The following ELOVL7 variants were observed in gnomAD, a reference collection of about 807,000 sequenced individuals.
ELOVL7 encodes the protein very long chain fatty acid elongase 7.
In ELOVL7, 27 loss-of-function variants were observed where a neutral mutation model predicts 35.7. The ratio of observed to expected loss-of-function variants is 0.76; its 90% CI spans 0.56 to 1.04. ELOVL7 has a LOEUF of 1.04. Among genes scored for constraint, ELOVL7 ranks in the 50% least tolerant of loss-of-function variants. The probability of loss-of-function intolerance (pLI) is 0.00; values close to 1 mark genes in which losing one functional copy is unlikely to be tolerated. For missense variants in ELOVL7, 327 were observed against 340.8 expected, an observed-to-expected ratio of 0.96 and a Z score of 0.32; for synonymous variants, 113 against 114.6, an observed-to-expected ratio of 0.99 and a Z score of 0.09.
intron 2 of ELOVL7, among the ~76,000 whole-genome samples, chr5:60,791,269 A>G (rs1265474270): frequency 6.6e-6 from 1 of 152,130 alleles, no homozygotes; most frequent in Non-Finnish European, 1.5e-5. Flanking sequence ...GAGAAACCGC[A>G]CCCAGCCAAA....
At chr5:60,838,994 G>T (rs1489326947) in intron 1 of ELOVL7, among the ~76,000 whole-genome samples, 1 of 148,248 alleles carries the variant, frequency 6.7e-6, no homozygotes, top group Non-Finnish European at 1.5e-5. Flanking sequence ...TTGCACTCCA[G>T]CCCAGGCGAC....
chr5:60,787,499 T>C, intron 2 of ELOVL7, 68 bp from the exon 3 acceptor site: 1 of 870,204 alleles, frequency 1.1e-6, no homozygotes, highest in South Asian at 1.9e-5. Flanking sequence ...CTTATAGTAA[T>C]ACATTATTTA....
At chr5:60,831,464 A>G (rs967391836) in intron 1 of ELOVL7, among the ~76,000 whole-genome samples, 1 of 152,220 alleles carries the variant, frequency 6.6e-6, no homozygotes, top group East Asian at 1.9e-4. Context: ...TCTGAAGTCC[A>G]TCCATAGACC....
intron 1 of ELOVL7, among the ~76,000 whole-genome samples, chr5:60,812,338 A>G (rs554512538): frequency 2.0e-3 from 302 of 152,364 alleles, no homozygotes; most frequent in African/African-American, 6.9e-3. Flanking sequence ...GTTTGACAAT[A>G]GAGAACCAAA....
chr5:60,786,949 ACT>A (rs1743635678), intron 3 of ELOVL7, among the ~76,000 whole-genome samples: 1 of 149,978 alleles, frequency 6.7e-6, no homozygotes. Context: ...ACAGAGTGAG[ACT>A]CTGTCTTAAA....
chr5:60,765,945 G>A (rs1235570882), intron 6 of ELOVL7, among the ~76,000 whole-genome samples: 1 of 152,150 alleles, frequency 6.6e-6, no homozygotes, highest in East Asian at 1.9e-4. Flanking sequence ...TGGAAACAAA[G>A]GTTCATGGCT....
intron 1 of ELOVL7, among the ~76,000 whole-genome samples, chr5:60,807,827 G>A (rs57435641): frequency 0.21 from 31,004 of 149,824 alleles, 3,669 homozygotes; most frequent in Non-Finnish European, 0.27. Flanking sequence ...GTGAAACCCC[G>A]TCTCTACTAA....
chr5:60,777,880 A>C (rs145934662), intron 3 of ELOVL7, among the ~76,000 whole-genome samples: 2,834 of 152,328 alleles, frequency 0.019, 51 homozygotes, highest in Middle Eastern at 0.044. Flanking sequence ...TGGGGACAGA[A>C]AAATGCCACT....
intron 5 of ELOVL7, 126 bp downstream of exon 5, chr5:60,767,694 TCCA>T: frequency 2.0e-6 from 1 of 510,332 alleles, no homozygotes; most frequent in East Asian, 2.9e-5. Flanking sequence ...GTTCACTTTC[TCCA>T]CCACAACACA....
intron 2 of ELOVL7, among the ~76,000 whole-genome samples, chr5:60,798,463 T>A (rs1744397465): frequency 6.6e-6 from 1 of 152,042 alleles, no homozygotes; most frequent in Non-Finnish European, 1.5e-5. Flanking sequence ...TTGCTGAGGG[T>A]GGAGGGGAGG....
intron 2 of ELOVL7, among the ~76,000 whole-genome samples, chr5:60,790,572 G>A (rs1252293995): frequency 6.6e-6 from 1 of 152,190 alleles, no homozygotes; most frequent in Non-Finnish European, 1.5e-5. Context: ...CTTCTCAGCT[G>A]AGTTCAGACT....
At chr5:60,823,554 G>A (rs1746006643) in intron 1 of ELOVL7, among the ~76,000 whole-genome samples, 3 of 152,122 alleles carry the variant, frequency 2.0e-5, no homozygotes, top group African/African-American at 4.8e-5. Flanking sequence ...AAATTAAAGA[G>A]GATTCACCAA....
intron 1 of ELOVL7, among the ~76,000 whole-genome samples, chr5:60,841,387 G>C (rs1747164275): frequency 6.6e-6 from 1 of 152,174 alleles, no homozygotes; most frequent in African/African-American, 2.4e-5. Flanking sequence ...AAAAAAGAGA[G>C]AGACAAAGGC....
intron 8 of ELOVL7, among the ~76,000 whole-genome samples, chr5:60,755,513 C>T (rs549504896): frequency 1.3e-5 from 2 of 152,218 alleles, no homozygotes; most frequent in South Asian, 2.1e-4. Context: ...AAAAATTAGC[C>T]GGGCGCAGTG....
intron 1 of ELOVL7, among the ~76,000 whole-genome samples, chr5:60,822,786 T>C (rs1048342328): frequency 6.6e-6 from 1 of 152,110 alleles, no homozygotes; most frequent in Admixed American, 6.5e-5. Context: ...CAAAAAGACA[T>C]GAGGAGAACT....
intron 2 of ELOVL7, among the ~76,000 whole-genome samples, chr5:60,794,714 T>C (rs1744145031): frequency 6.6e-6 from 1 of 152,228 alleles, no homozygotes; most frequent in African/African-American, 2.4e-5. Flanking sequence ...TCTTTCTCTT[T>C]TGATGTTTGG....
At position 60,754,728 on chromosome 5, in the gene ELOVL7, T is replaced by C. The variant is rs757486640; in HGVS notation, c.742A>G (p.Met248Val). ...FACIIMSYSF[M>V]FLLLFLHFWY... ...AAATGGAGAAAGAGCAGCAGAAACA[T>C]GAAACTGTAACTCATAATGATGCAC... Residue 248 changes from methionine to valine, a missense_variant, in exon 9 of 9, where the codon ATG becomes GTG. Coordinates refer to ENST00000508821, the MANE Select transcript of ELOVL7 (RefSeq NM_024930.3). 6.2e-6 allele frequency: 10 copies of C among 1,613,976 alleles called. No homozygotes were observed.
chr5:60,836,285 G>T (rs566085390), intron 1 of ELOVL7, among the ~76,000 whole-genome samples: 1 of 152,098 alleles, frequency 6.6e-6, no homozygotes, highest in East Asian at 1.9e-4. Flanking sequence ...CATTGGCTCA[G>T]GAACTCACCC....
rs1402652143 is a variant in ELOVL7 at position 60,764,209 on chromosome 5, C to G, written c.499+18G>C. On this transcript the variant is annotated intron_variant, in intron 7 of 8. Coordinates refer to ENST00000508821, the MANE Select transcript of ELOVL7 (RefSeq NM_024930.3). ...AAATGTTGTTTATAACACATGATCCCAAATTTCCCTTGTCTACCTGCAGCA... is the reference window on the plus strand; with the variant it reads ...AAATGTTGTTTATAACACATGATCCGAAATTTCCCTTGTCTACCTGCAGCA... 1 of 1,561,008 alleles carries G rather than the reference C, an allele frequency of 6.4e-7. No individual in the cohort carries two copies.
Sources: allele counts gnomAD v4.1 joint callset (sites outside exome capture counted in the v4.1 genomes callset), GRCh38; gene constraint gnomAD v4.1.1; transcripts MANE v1.5; gene names NCBI Gene and HGNC (gene_info 2026-07-23, HGNC 2026-07-21).